The following HMGCS1 variants were observed in gnomAD, a reference collection of about 807,000 sequenced individuals.
The protein encoded by HMGCS1 is hydroxymethylglutaryl-CoA synthase, cytoplasmic.
A neutral mutation model predicts 52.3 loss-of-function variants in HMGCS1; 9 were observed. That is an observed-to-expected ratio of 0.17 (90% CI 0.10 to 0.30). The LOEUF (loss-of-function observed/expected upper bound fraction) is 0.30, where lower values mean the gene tolerates loss of function less well. HMGCS1 is among the 10% of genes least tolerant of loss of function. HMGCS1 has a pLI of 1.00. For synonymous variants in HMGCS1, 176 were observed against 214.4 expected (o/e 0.82, Z 1.57); for missense variants, 320 against 620.9 (o/e 0.52, Z 5.15).
chr5:43,311,162 T>C (rs1041485820), intron 1 of HMGCS1, among the ~76,000 whole-genome samples: 61 of 152,050 alleles, frequency 4.0e-4, no homozygotes, highest in African/African-American at 1.5e-3. Context: ...CCATCTCTTC[T>C]AAAAATACAA....
rs1007186804 is a variant in HMGCS1 at position 43,289,016 on chromosome 5, C to T, written c.*2115G>A. 13 of 152,144 alleles carry T rather than the reference C, an allele frequency of 8.5e-5. No homozygotes were observed. Among genetic ancestry groups the T allele is most frequent in the African/African-American group, 2.9e-4 (12 of 41,424 alleles). The allele number at this position is 152,144 out of a possible 1,614,324, so 9.4% of individuals were successfully genotyped here. On this transcript the variant is annotated 3_prime_UTR_variant, in exon 11 of 11. Coordinates refer to ENST00000325110, the MANE Select transcript of HMGCS1 (RefSeq NM_001098272.3). ...CACTAAATTTGCTCTTATTTGATTG[C>T]CAGCCCTTAGTCTTAGCTTTTTTAA...
Position 43,288,531 on chromosome 5 carries a change from T to C in HMGCS1, c.*2600A>G, listed in dbSNP as rs1169667917. 6.6e-6 allele frequency: 1 copy of C among 152,184 alleles called. No homozygotes were observed. Among genetic ancestry groups the C allele is most frequent in the Non-Finnish European group, 1.5e-5 (1 of 68,022 alleles). The allele number at this position is 152,184 out of a possible 1,614,324, so 9.4% of individuals were successfully genotyped here. On this transcript the variant is annotated 3_prime_UTR_variant, in exon 11 of 11. Transcript: ENST00000325110. ...CAGAAAGTGGCTGTTTGCATCTGTTTGGGTCTAGTGTCAACCTCAAAGTTA... is the reference window on the plus strand; with the variant it reads ...CAGAAAGTGGCTGTTTGCATCTGTTCGGGTCTAGTGTCAACCTCAAAGTTA...
chr5:43,303,430 G>A (rs1754415938), intron 2 of HMGCS1, among the ~76,000 whole-genome samples: 1 of 152,252 alleles, frequency 6.6e-6, no homozygotes, highest in Admixed American at 6.5e-5. Context: ...CAATCCAGGA[G>A]GAGAGCCCTG....
At chr5:43,304,252 C>A (rs1458086610) in intron 2 of HMGCS1, among the ~76,000 whole-genome samples, 1 of 152,200 alleles carries the variant, frequency 6.6e-6, no homozygotes, top group Non-Finnish European at 1.5e-5. Context: ...CAGCCTTTCC[C>A]ACAAGGCTAC....
rs1313673973 is a variant in HMGCS1, at chr5:43,289,607, C to T, written c.*1524G>A. 6.6e-6 allele frequency: 1 copy of T among 152,518 alleles called. No homozygotes were observed. Among genetic ancestry groups the T allele is most frequent in the African/African-American group, 2.4e-5 (1 of 41,404 alleles). 9.4% of individuals were successfully genotyped at this position (152,518 alleles called of 1,614,324 possible). On this transcript the variant is annotated 3_prime_UTR_variant, in exon 11 of 11. Transcript: ENST00000325110. ...CAAAAGTATTACATGCACCATTTTG[C>T]CACCATTCTTTAAATCAGAACTTAC...
chr5:43,294,566 T>C (rs758864486), intron 7 of HMGCS1, 125 bp downstream of exon 7: 3 of 618,032 alleles, frequency 4.9e-6, no homozygotes, highest in Non-Finnish European at 5.5e-6. Context: ...CAATAGCAGA[T>C]TAGAGAGCCT....
At chr5:43,299,759 C>T (rs989251509) in intron 2 of HMGCS1, among the ~76,000 whole-genome samples, 1 of 152,088 alleles carries the variant, frequency 6.6e-6, no homozygotes, top group African/African-American at 2.4e-5. Flanking sequence ...AAAGTAGTGT[C>T]TAGATTTACT....
rs149631630 is a variant in HMGCS1 at position 43,292,769 on chromosome 5, A to G, written c.1309+79T>C. Reference sequence around the variant, plus strand: ...GATTAGTACTGAGTAAAGTCTTGATATCCTTATCGTATATGTAGCATCCTT... The same window carrying G: ...GATTAGTACTGAGTAAAGTCTTGATGTCCTTATCGTATATGTAGCATCCTT... On this transcript the variant is annotated intron_variant, in intron 9 of 10. Coordinates refer to ENST00000325110, the MANE Select transcript of HMGCS1 (RefSeq NM_001098272.3). 4.9e-4 allele frequency: 748 copies of G among 1,536,432 alleles called. 3 individuals carry two copies. The African/African-American group carries it at 8.4e-3, about 17-fold the overall frequency.
chr5:43,302,358 G>T lies in HMGCS1; in HGVS notation c.-10-3383C>A, dbSNP rs34497448. Among the ~76,000 whole-genome samples the T allele has an allele frequency of 7.2e-3, 1,095 of 152,186 alleles. 7 individuals are homozygous for T. Among genetic ancestry groups the T allele is most frequent in the Middle Eastern group, 0.034 (10 of 294 alleles). ...TATTCTTTATCCAAAAACATTTAGT[G>T]CTTTCTTCAACAACCCACCTCGTGC... On this transcript the variant is annotated intron_variant, in intron 2 of 10. Transcript: ENST00000325110.
intron 2 of HMGCS1, among the ~76,000 whole-genome samples, chr5:43,304,964 A>C (rs1579661310): frequency 6.6e-6 from 1 of 151,232 alleles, no homozygotes; most frequent in East Asian, 1.9e-4. Context: ...GAAGAACAGA[A>C]AGTTAATAGT....
intron 4 of HMGCS1, 65 bp from the exon 5 acceptor site, chr5:43,297,231 T>C (rs2111663457): frequency 3.1e-6 from 4 of 1,295,096 alleles, no homozygotes; most frequent in South Asian, 2.7e-5. Flanking sequence ...TGTTAATAAG[T>C]ATACTGCATT....
intron 9 of HMGCS1, 103 bp downstream of exon 9, chr5:43,292,745 A>C: frequency 6.7e-7 from 1 of 1,501,644 alleles, no homozygotes; most frequent in African/African-American, 1.4e-5. Flanking sequence ...CTGACATCAG[A>C]TTAGTACTGA....
intron 2 of HMGCS1, among the ~76,000 whole-genome samples, chr5:43,302,791 A>G (rs1291583840): frequency 6.6e-6 from 1 of 152,208 alleles, no homozygotes; most frequent in African/African-American, 2.4e-5. Context: ...GCAAAGCTGA[A>G]GGCCAGCACC....
rs1333137559 is a variant in HMGCS1, at chr5:43,292,839, T to C, written c.1309+9A>G. 4 of 1,611,396 alleles carry C rather than the reference T, an allele frequency of 2.5e-6. No individual in the cohort carries two copies. The highest frequency in any genetic ancestry group is 1.7e-5 in the Admixed American group (1 of 59,814). ...ATGGGTTAACTTAAAGAACATTTAA[T>C]ATTTTTACCCAAATGATGGGTGTCC... On this transcript the variant is annotated intron_variant, in intron 9 of 10. Transcript: ENST00000325110.
At chr5:43,297,910 A>G (rs567219354) in intron 4 of HMGCS1, 99 bp downstream of exon 4, 1 of 998,574 alleles carries the variant, frequency 1.0e-6, no homozygotes, top group African/African-American at 1.7e-5. Context: ...TAGTACCTGC[A>G]TTTAATGACC....
chr5:43,313,066 G>A (rs554627520), intron 1 of HMGCS1: 1 of 152,280 alleles, frequency 6.6e-6, no homozygotes, highest in East Asian at 1.9e-4. Context: ...CAACTCCTCT[G>A]TCGTTAGAAT....
chr5:43,309,013 G>T (rs948915106), intron 1 of HMGCS1, among the ~76,000 whole-genome samples: 1 of 151,622 alleles, frequency 6.6e-6, no homozygotes, highest in Non-Finnish European at 1.5e-5. Flanking sequence ...ACCTATCTTT[G>T]TTCTTTATTA....
chr5:43,298,730 C>T lies in HMGCS1; in HGVS notation c.236G>A (p.Arg79Lys). ...AATGCAATCATAGGAAAGGTTATTT[C>T]TCTCCATAAGATTCTGAACCACAGT... ...CMTVVQNLME[R>K]NNLSYDCIGR... is the part of the protein sequence containing the mutation. Residue 79 changes from arginine to lysine, a missense_variant, in exon 3 of 11, where the codon AGA (arginine) becomes AAA (lysine). This residue lies in a region of HMGCS1 where 85 missense variants were observed against 260.0 expected (regional missense o/e 0.33). Transcript: ENST00000325110. This position sits in a 1 kb window ranked among gnomAD's most constrained non-coding sequence, Gnocchi z 5.6. 1 of 1,614,232 alleles carries T rather than the reference C, an allele frequency of 6.2e-7. No individual in the cohort carries two copies. Among genetic ancestry groups the T allele is most frequent in the South Asian group, 1.1e-5 (1 of 91,084 alleles).
chr5:43,303,758 T>C (rs1754432503), intron 2 of HMGCS1, among the ~76,000 whole-genome samples: 1 of 152,196 alleles, frequency 6.6e-6, no homozygotes, highest in Admixed American at 6.5e-5. Flanking sequence ...TATTTTTGTA[T>C]TCAATACAGG....
Sources: allele counts gnomAD v4.1 joint callset (sites outside exome capture counted in the v4.1 genomes callset), GRCh38; gene constraint gnomAD v4.1.1; regional missense constraint gnomAD v4.1.1; non-coding constraint Gnocchi (gnomAD v3.1); transcripts MANE v1.5; gene names NCBI Gene and HGNC (gene_info 2026-07-23, HGNC 2026-07-21).